Variants in CEP57L1 observed in about 807,000 individuals in gnomAD.
The protein encoded by CEP57L1 is centrosomal protein CEP57L1.
A neutral mutation model predicts 61.0 loss-of-function variants in CEP57L1; 37 were observed. That is an observed-to-expected ratio of 0.61 (90% CI 0.47 to 0.80). The LOEUF is 0.80. CEP57L1 is among the 30% of genes least tolerant of loss of function. CEP57L1 has a pLI of 0.00. For synonymous variants in CEP57L1, 137 were observed against 162.3 expected, an observed-to-expected ratio of 0.84 and a Z score of 1.19; for missense variants, 422 against 524.7, an observed-to-expected ratio of 0.80 and a Z score of 1.91.
chr6:109,160,693 A>C lies in CEP57L1; in HGVS notation c.1138A>C (p.Lys380Gln). 1 of 1,602,168 alleles carries C rather than the reference A, an allele frequency of 6.2e-7. No individual in the cohort carries two copies. The highest frequency in any genetic ancestry group is 8.5e-7 in the Non-Finnish European group (1 of 1,176,464). Residue 380 changes from lysine to glutamine, a missense_variant, in exon 10 of 11, where the codon AAA becomes CAA. Lys to Gln is a moderately conservative substitution (Grantham distance 53). Coordinates refer to ENST00000517392, the MANE Select transcript of CEP57L1 (RefSeq NM_001271852.3). ...KMEIKGEQIS[K>Q]LKKHQDSVCK... ...GGAAATTAAAGGAGAACAAATCTCC[A>C]AACTGAAGAAGCATCAAGACAGTGT...
intron 1 of CEP57L1, among the ~76,000 whole-genome samples, chr6:109,125,730 TGATA>T (rs1221171631): frequency 1.3e-5 from 2 of 148,858 alleles, no homozygotes; most frequent in East Asian, 1.9e-4. Context: ...ATTGATTGAT[TGATA>T]GACGGGTGGA....
intron 4 of CEP57L1, among the ~76,000 whole-genome samples, chr6:109,152,370 C>T (rs1036164447): frequency 2.0e-5 from 3 of 152,008 alleles, no homozygotes; most frequent in Non-Finnish European, 4.4e-5. Flanking sequence ...TTAGTAGAGA[C>T]AGGGTTTTGC....
At chr6:109,135,107 T>G (rs1256695574) in intron 1 of CEP57L1, among the ~76,000 whole-genome samples, 3 of 152,060 alleles carry the variant, frequency 2.0e-5, no homozygotes, top group African/African-American at 4.8e-5. Context: ...CATCGCCAAG[T>G]CAATCCTAAG....
chr6:109,131,615 A>G (rs1483658504), intron 1 of CEP57L1, among the ~76,000 whole-genome samples: 3 of 151,834 alleles, frequency 2.0e-5, no homozygotes, highest in African/African-American at 4.8e-5. Flanking sequence ...TTCAAGCAAT[A>G]TGGCAGACTA....
At chr6:109,135,325 A>G (rs1419649323) in intron 1 of CEP57L1, among the ~76,000 whole-genome samples, 2 of 152,194 alleles carry the variant, frequency 1.3e-5, no homozygotes, top group East Asian at 3.8e-4. Flanking sequence ...AGGATTCCCT[A>G]TTTAATAAAT....
intron 1 of CEP57L1, among the ~76,000 whole-genome samples, chr6:109,118,596 A>G (rs1010156261): frequency 6.6e-6 from 1 of 152,250 alleles, no homozygotes; most frequent in Non-Finnish European, 1.5e-5. Context: ...ACGTCACTGT[A>G]GTTAACATAC....
At chr6:109,107,185 A>C (rs1401729462) in intron 1 of CEP57L1, among the ~76,000 whole-genome samples, 1 of 152,202 alleles carries the variant, frequency 6.6e-6, no homozygotes, top group African/African-American at 2.4e-5. Flanking sequence ...ATATTTTTAA[A>C]TAAATCTGAT....
At chr6:109,158,960 T>C (rs547310646) in intron 7 of CEP57L1, 65 bp from the exon 8 acceptor site, 4 of 1,501,492 alleles carry the variant, frequency 2.7e-6, no homozygotes, top group Non-Finnish European at 3.6e-6. Flanking sequence ...TTTTGAGAGT[T>C]CTTCATATCG....
At chr6:109,147,289 A>G (rs1478106558) in intron 3 of CEP57L1, among the ~76,000 whole-genome samples, 1 of 152,108 alleles carries the variant, frequency 6.6e-6, no homozygotes, top group African/African-American at 2.4e-5. Flanking sequence ...TTTGCAGTTA[A>G]CACTAAACTT....
intron 1 of CEP57L1, among the ~76,000 whole-genome samples, chr6:109,097,275 A>G (rs1781814784): frequency 6.6e-6 from 1 of 152,164 alleles, no homozygotes; most frequent in Non-Finnish European, 1.5e-5. Flanking sequence ...CAAGACCACT[A>G]CAGTAGCAAT....
At chr6:109,146,300 A>G (rs1442562539) in intron 2 of CEP57L1, among the ~76,000 whole-genome samples, 1 of 151,962 alleles carries the variant, frequency 6.6e-6, no homozygotes, top group Non-Finnish European at 1.5e-5. Context: ...GGACAAAGAA[A>G]CAGTAAATAT....
intron 1 of CEP57L1, among the ~76,000 whole-genome samples, chr6:109,131,125 A>G (rs1562532066): frequency 1.3e-5 from 2 of 152,194 alleles, no homozygotes. Context: ...GAATGTCAAA[A>G]GATCAGTATA....
intron 2 of CEP57L1, 24 bp downstream of exon 2, chr6:109,145,405 G>T: frequency 6.8e-7 from 1 of 1,480,160 alleles, no homozygotes; most frequent in Non-Finnish European, 9.1e-7. Context: ...AAAATTTGAA[G>T]AATGGTAAAA....
intron 5 of CEP57L1, 103 bp from the exon 6 acceptor site, chr6:109,155,127 A>G (rs1773083908): frequency 1.9e-6 from 1 of 530,126 alleles, no homozygotes; most frequent in Non-Finnish European, 3.2e-6. Context: ...TAATTTGCCA[A>G]ACTCTTAAGA....
In CEP57L1 at chr6:109,169,799, A is replaced by G. The variant is rs974124771; in HGVS notation, c.*6829A>G. On this transcript the variant is annotated 3_prime_UTR_variant, in exon 11 of 11. Transcript: ENST00000517392. Reference sequence around the variant, plus strand: ...GAGAAAAACTATCTGCATGTCTCCAATCTGAAGAGAGCAAAGATCTGTTAT... The same window carrying G: ...GAGAAAAACTATCTGCATGTCTCCAGTCTGAAGAGAGCAAAGATCTGTTAT... Among the ~76,000 whole-genome samples the G allele has an allele frequency of 6.6e-6, 1 of 152,232 alleles. No homozygotes were observed. Among genetic ancestry groups the G allele is most frequent in the Non-Finnish European group, 1.5e-5 (1 of 68,038 alleles).
At chr6:109,161,605 A>G (rs906039266) in intron 10 of CEP57L1, among the ~76,000 whole-genome samples, 6 of 152,218 alleles carry the variant, frequency 3.9e-5, no homozygotes, top group Non-Finnish European at 5.9e-5. Flanking sequence ...TGAAATTTTT[A>G]AAACAAATAT....
At chr6:109,155,956 C>A (rs932249238) in intron 7 of CEP57L1, 79 bp downstream of exon 7, 1 of 624,642 alleles carries the variant, frequency 1.6e-6, no homozygotes, top group Non-Finnish European at 2.8e-6. Flanking sequence ...TATACCTACC[C>A]CTTTCCAAAA....
rs966264204 is a variant in CEP57L1, at chr6:109,164,055, T to C, written c.*1085T>C. 3.3e-5 allele frequency: 5 copies of C among 151,906 alleles called. No individual in the cohort carries two copies. Among genetic ancestry groups the C allele is most frequent in the African/African-American group, 1.2e-4 (5 of 41,254 alleles). The allele number at this position is 151,906 out of a possible 1,614,324, so 9.4% of individuals were successfully genotyped here. A position where few individuals can be genotyped will look rare whatever the true frequency, so the allele number is the denominator to read the frequency against. On this transcript the variant is annotated 3_prime_UTR_variant, in exon 11 of 11. Transcript: ENST00000517392. ...ATAATAGAATGGAGGAGCTCAAATA[T>C]AGGGTAGCAGTTTAAGAGATGGTGA...
intron 3 of CEP57L1, among the ~76,000 whole-genome samples, chr6:109,147,466 A>G (rs556380424): frequency 1.3e-5 from 2 of 152,294 alleles, no homozygotes; most frequent in Admixed American, 6.5e-5. Context: ...AATTTAGAAC[A>G]TAAGTCTTTT....
Sources: gnomAD v4.1 joint callset for allele counts (sites outside exome capture counted in the v4.1 genomes callset) on GRCh38, gnomAD v4.1.1 for gene constraint, MANE v1.5 for transcripts, NCBI Gene and HGNC (gene_info 2026-07-23, HGNC 2026-07-21) for gene names.